Variants in SOX5 observed in about 807,000 individuals in gnomAD.
SOX5 encodes transcription factor SOX-5.
Under a neutral mutation model 92.0 loss-of-function variants are expected in SOX5, and 9 were observed. The observed-to-expected ratio is 0.10, with a 90% CI of 0.06 to 0.17. SOX5 has a LOEUF of 0.17. Ranked by LOEUF, SOX5 falls within the 10% of genes least tolerant of loss-of-function variation. The pLI, the probability that SOX5 is intolerant of heterozygous loss-of-function variation, is 1.00. For missense variants in SOX5, 642 were observed against 944.5 expected, an observed-to-expected ratio of 0.68 and a Z score of 4.20; for synonymous variants, 344 against 336.3, an observed-to-expected ratio of 1.02 and a Z score of -0.25.
intron 1 of SOX5, among the ~76,000 whole-genome samples, chr12:24,548,955 A>G (rs546019899): frequency 2.6e-5 from 4 of 152,192 alleles, no homozygotes; most frequent in African/African-American, 9.6e-5. Context: ...TCTGATCCCA[A>G]TCTCTCTCTA....
At chr12:24,372,459 G>T (rs1566011419) in intron 1 of SOX5, among the ~76,000 whole-genome samples, 1 of 152,152 alleles carries the variant, frequency 6.6e-6, no homozygotes, top group Non-Finnish European at 1.5e-5. Flanking sequence ...CCAAGGACAT[G>T]AATTCATCCT....
At chr12:23,900,989 A>G (rs2097224620) in intron 1 of SOX5, among the ~76,000 whole-genome samples, 1 of 152,104 alleles carries the variant, frequency 6.6e-6, no homozygotes, top group Non-Finnish European at 1.5e-5. Flanking sequence ...AACAGAAGAA[A>G]GAGAATAATG....
intron 4 of SOX5, among the ~76,000 whole-genome samples, chr12:24,026,963 T>C (rs1954960064): frequency 6.6e-6 from 1 of 152,108 alleles, no homozygotes; most frequent in Non-Finnish European, 1.5e-5. Context: ...CATATTGTTG[T>C]AGTTATAGTC....
At chr12:24,548,109 C>T (rs1952821470) in intron 1 of SOX5, among the ~76,000 whole-genome samples, 1 of 152,068 alleles carries the variant, frequency 6.6e-6, no homozygotes, top group Non-Finnish European at 1.5e-5. Context: ...TGTAATTATA[C>T]CCATTCTGCA....
intron 4 of SOX5, among the ~76,000 whole-genome samples, chr12:24,121,131 A>C (rs1279755744): frequency 9.9e-5 from 15 of 152,212 alleles, no homozygotes; most frequent in Admixed American, 9.8e-4. Flanking sequence ...CAAAACAGAC[A>C]TTCTACGTTG....
At chr12:24,407,492 A>G (rs1172724045) in intron 1 of SOX5, 4 of 152,202 alleles carry the variant, frequency 2.6e-5, no homozygotes, top group Admixed American at 2.6e-4. Context: ...CACCTGCCAC[A>G]TTTGGGGAGG....
intron 3 of SOX5, among the ~76,000 whole-genome samples, chr12:23,819,697 TGTTA>T (rs1460134642): frequency 6.6e-6 from 1 of 152,118 alleles, no homozygotes; most frequent in African/African-American, 2.4e-5. Context: ...TCTGTTCCTG[TGTTA>T]GTTTGCTGAG....
chr12:23,990,619 C>T (rs1592125687), intron 4 of SOX5, among the ~76,000 whole-genome samples: 1 of 152,266 alleles, frequency 6.6e-6, no homozygotes, highest in Non-Finnish European at 1.5e-5. Flanking sequence ...AAAGAACCAT[C>T]ATCTCATCAC....
intron 2 of SOX5, among the ~76,000 whole-genome samples, chr12:24,326,683 G>T (rs928088973): frequency 6.6e-6 from 1 of 151,802 alleles, no homozygotes; most frequent in Non-Finnish European, 1.5e-5. Context: ...CCTTTTTCAG[G>T]TGGCATCCTA....
At chr12:24,074,421 C>A (rs189742876) in intron 4 of SOX5, among the ~76,000 whole-genome samples, 17 of 151,766 alleles carry the variant, frequency 1.1e-4, no homozygotes, top group African/African-American at 3.9e-4. Flanking sequence ...TAGGTACCAG[C>A]AATGATTATA....
At chr12:23,745,319 T>C (rs1230079769) in intron 4 of SOX5, among the ~76,000 whole-genome samples, 10 of 152,152 alleles carry the variant, frequency 6.6e-5, no homozygotes, top group African/African-American at 2.2e-4. Context: ...ACTTTTAAAA[T>C]AGAACTTCCT....
At chr12:24,269,393 C>T (rs779373925) in intron 3 of SOX5, among the ~76,000 whole-genome samples, 86 of 152,082 alleles carry the variant, frequency 5.7e-4, no homozygotes, top group Non-Finnish European at 2.2e-4. Flanking sequence ...TATACTGACA[C>T]CAATGGTATA....
intron 8 of SOX5, among the ~76,000 whole-genome samples, chr12:23,619,952 T>C (rs1372535773): frequency 6.6e-6 from 1 of 152,208 alleles, no homozygotes; most frequent in African/African-American, 2.4e-5. Flanking sequence ...AGAGCTTACA[T>C]AGAACAAGAA....
intron 9 of SOX5, 124 bp downstream of exon 9, chr12:23,604,263 G>C (rs1057464075): frequency 3.2e-6 from 3 of 950,860 alleles, no homozygotes; most frequent in African/African-American, 1.6e-5. Flanking sequence ...GCCCTTACTT[G>C]ATTCTTACCT....
intron 4 of SOX5, among the ~76,000 whole-genome samples, chr12:24,007,863 G>T (rs1230659204): frequency 6.7e-6 from 1 of 149,668 alleles, no homozygotes; most frequent in Non-Finnish European, 1.5e-5. Context: ...GAGGCAGTAA[G>T]ATTTAGGGGT....
chr12:24,026,586 T>TG lies in SOX5; in HGVS notation c.-1-130563dup, dbSNP rs1355808835. Among the ~76,000 whole-genome samples the TG allele has an allele frequency of 3.6e-3, 373 of 102,276 alleles. 1 individual carries two copies. Among genetic ancestry groups the TG allele is most frequent in the African/African-American group, 0.012 (335 of 26,982 alleles). 67.1% of individuals were successfully genotyped at this position (102,276 alleles called of 152,430 possible). A position where few individuals can be genotyped will look rare whatever the true frequency, so the allele number is the denominator to read the frequency against. On this transcript the variant is annotated intron_variant, in intron 4 of 4. Transcript: ENST00000446891. ...GCGACAAGGCAAAACCCTGTCTCTA[T>TG]GGGAAAAAAAAGCAAAAAAAAAAAA...
intron 3 of SOX5, among the ~76,000 whole-genome samples, chr12:23,790,710 C>A (rs1437389940): frequency 6.6e-6 from 1 of 152,106 alleles, no homozygotes; most frequent in Admixed American, 6.6e-5. Context: ...ATGTTTTCAA[C>A]TGTCTCCTAA....
chr12:23,862,599 A>G (rs995735550), intron 2 of SOX5, among the ~76,000 whole-genome samples: 1 of 152,248 alleles, frequency 6.6e-6, no homozygotes, highest in Non-Finnish European at 1.5e-5. Flanking sequence ...ATCAGCATTG[A>G]AAGTAGTAGG....
In SOX5 at chr12:24,301,330, T is replaced by C. The variant is rs139024952; in HGVS notation, c.-173-24018A>G. The stretch of plus-strand genomic sequence containing the variant: ...AAATGCCTTATCTTAAGTGTCTGGA[T>C]TATTTATGGAAAGCATCAATCTCAG... On this transcript the variant is annotated intron_variant, in intron 2 of 4. Coordinates refer to the SOX5 transcript ENST00000446891. Among the ~76,000 whole-genome samples the C allele has an allele frequency of 4.1e-4, 62 of 152,364 alleles. 1 individual carries two copies. The East Asian group carries it at 7.9e-3, about 19-fold the overall frequency.
Sources: allele counts gnomAD v4.1 joint callset (sites outside exome capture counted in the v4.1 genomes callset), GRCh38; gene constraint gnomAD v4.1.1; transcripts MANE v1.5; gene names NCBI Gene and HGNC (gene_info 2026-07-23, HGNC 2026-07-21).